ACSS3: variants seen among roughly 807,000 people sequenced by gnomAD.
The protein encoded by ACSS3 is acyl-CoA synthetase short-chain family member 3, mitochondrial.
In ACSS3, 64 loss-of-function variants were observed where a neutral mutation model predicts 84.2. That is an observed-to-expected ratio of 0.76 (90% CI 0.62 to 0.94). The LOEUF (loss-of-function observed/expected upper bound fraction) is 0.94, where lower values mean the gene tolerates loss of function less well. Among genes scored for constraint, ACSS3 ranks in the 40% least tolerant of loss-of-function variants. The pLI is 0.00. For synonymous variants in ACSS3, 317 were observed against 310.1 expected (o/e 1.02, Z -0.23); for missense variants, 815 against 867.6 (o/e 0.94, Z 0.76).
At chr12:81,201,102 T>C (rs1286128387) in intron 9 of ACSS3, among the ~76,000 whole-genome samples, 1 of 152,132 alleles carries the variant, frequency 6.6e-6, no homozygotes, top group East Asian at 1.9e-4. Flanking sequence ...AAATACAAAG[T>C]ATAAGAAGGA....
intron 11 of ACSS3, among the ~76,000 whole-genome samples, chr12:81,222,270 A>AGTGAAACTAGATATTTGAATATATT (rs1340584368): frequency 1.6e-4 from 24 of 152,124 alleles, no homozygotes; most frequent in African/African-American, 5.3e-4. Flanking sequence ...TTAGGTTAAC[A>AGTGAAACTAGATATTTGAATATATT]GTGAAACTAG....
intron 2 of ACSS3, among the ~76,000 whole-genome samples, chr12:81,131,413 A>G (rs1487275582): frequency 6.6e-6 from 1 of 152,032 alleles, no homozygotes; most frequent in East Asian, 1.9e-4. Flanking sequence ...TTCGCTCATG[A>G]TTTGGCTCTC....
intron 3 of ACSS3, among the ~76,000 whole-genome samples, chr12:81,136,627 GA>G (rs2121561909): frequency 6.6e-6 from 1 of 152,232 alleles, no homozygotes; most frequent in African/African-American, 2.4e-5. Context: ...TCAAGCAGTA[GA>G]GACAGGAAAT....
At chr12:81,093,948 A>AT (rs1027813331) in intron 1 of ACSS3, among the ~76,000 whole-genome samples, 3 of 151,418 alleles carry the variant, frequency 2.0e-5, no homozygotes, top group East Asian at 1.9e-4. Context: ...TTGGTAGCTC[A>AT]TTTTTTTTCA....
chr12:81,112,604 C>G (rs948841417), intron 2 of ACSS3, among the ~76,000 whole-genome samples: 1 of 152,158 alleles, frequency 6.6e-6, no homozygotes, highest in Non-Finnish European at 1.5e-5. Flanking sequence ...CTTTTCTTCT[C>G]TAAAGTACTA....
intron 1 of ACSS3, among the ~76,000 whole-genome samples, chr12:81,086,679 G>T (rs1881336344): frequency 6.6e-6 from 1 of 151,756 alleles, no homozygotes; most frequent in African/African-American, 2.4e-5. Context: ...TTAGTTGAAA[G>T]GACAAAAAAA....
intron 5 of ACSS3, among the ~76,000 whole-genome samples, chr12:81,148,205 A>C (rs886999816): frequency 3.3e-5 from 5 of 152,088 alleles, no homozygotes; most frequent in Non-Finnish European, 5.9e-5. Flanking sequence ...CCAAATTCTT[A>C]ATCTTACCAC....
rs1885967877 is a variant in ACSS3 at position 81,139,362 on chromosome 12, T to G, written c.780+97T>G. On this transcript the variant is annotated intron_variant, in intron 4 of 15. Coordinates refer to ENST00000548058, the MANE Select transcript of ACSS3 (RefSeq NM_024560.4). ...AAAGAGACATTTGATTTATAAGCTA[T>G]TAAGTATACTGCTGAATGTTATTGT... The G allele has an allele frequency of 2.3e-6, 3 of 1,310,466 alleles. No individual in the cohort carries two copies. In the South Asian group the frequency reaches 3.9e-5, roughly 17 times the overall value. The allele number at this position is 1,310,466 out of a possible 1,614,324, so 81.2% of individuals were successfully genotyped here. A position where few individuals can be genotyped will look rare whatever the true frequency, so the allele number is the denominator to read the frequency against.
intron 4 of ACSS3, among the ~76,000 whole-genome samples, chr12:81,139,893 C>T (rs1041021669): frequency 6.6e-6 from 1 of 151,884 alleles, no homozygotes; most frequent in Non-Finnish European, 1.5e-5. Context: ...CCTGGGCCCC[C>T]CAAAGTGCTG....
chr12:81,090,138 A>G (rs1881579828), intron 1 of ACSS3, among the ~76,000 whole-genome samples: 1 of 149,310 alleles, frequency 6.7e-6, no homozygotes, highest in South Asian at 2.1e-4. Flanking sequence ...CTCTCCTCTT[A>G]TCTTAGAGAA....
intron 5 of ACSS3, among the ~76,000 whole-genome samples, chr12:81,147,607 T>C (rs951378553): frequency 6.6e-6 from 1 of 152,164 alleles, no homozygotes; most frequent in African/African-American, 2.4e-5. Context: ...TTTTGCAATG[T>C]CTTGAAGTAC....
intron 1 of ACSS3, among the ~76,000 whole-genome samples, chr12:81,087,946 A>G (rs576346269): frequency 5.9e-5 from 9 of 152,248 alleles, no homozygotes; most frequent in East Asian, 3.9e-4. Flanking sequence ...CCAAATAATT[A>G]TAATACGGAA....
At position 81,134,499 on chromosome 12, in the gene ACSS3, A is replaced by C. The variant is rs181990779; in HGVS notation, c.457-317A>C. Among the ~76,000 whole-genome samples the C allele has an allele frequency of 1.5e-3, 234 of 152,270 alleles. 1 individual carries two copies. Among genetic ancestry groups the C allele is most frequent in the Non-Finnish European group, 1.8e-3 (120 of 68,026 alleles). On this transcript the variant is annotated intron_variant, in intron 2 of 15. Transcript: ENST00000548058. ...TGTGTCTTTCTTTTATCAGTGTTACATTCCCAACTCTTACATACTATGTCT... is the reference window on the plus strand; with the variant it reads ...TGTGTCTTTCTTTTATCAGTGTTACCTTCCCAACTCTTACATACTATGTCT...
At chr12:81,174,609 C>T (rs2030334021) in intron 7 of ACSS3, 179 bp from the exon 8 acceptor site, 1 of 569,202 alleles carries the variant, frequency 1.8e-6, no homozygotes, top group African/African-American at 1.9e-5. Context: ...CAAACAGTCT[C>T]TGTTATGCCT....
chr12:81,209,463 T>C (rs1194576309), intron 9 of ACSS3, among the ~76,000 whole-genome samples: 1 of 151,876 alleles, frequency 6.6e-6, no homozygotes, highest in Non-Finnish European at 1.5e-5. Flanking sequence ...TTGTGGATCA[T>C]AGGCAGAAAT....
intron 8 of ACSS3, among the ~76,000 whole-genome samples, chr12:81,178,166 G>A (rs1285511689): frequency 6.6e-6 from 1 of 151,284 alleles, no homozygotes; most frequent in South Asian, 2.1e-4. Context: ...CCTTTGTAGG[G>A]ACATGGATGA....
chr12:81,126,762 C>T (rs1189818623), intron 2 of ACSS3, among the ~76,000 whole-genome samples: 1 of 152,030 alleles, frequency 6.6e-6, no homozygotes, highest in East Asian at 1.9e-4. Flanking sequence ...ATCTATTTCA[C>T]TTTGCTTGTG....
chr12:81,208,171 C>G (rs749748558), intron 9 of ACSS3, among the ~76,000 whole-genome samples: 3 of 152,130 alleles, frequency 2.0e-5, no homozygotes, highest in Non-Finnish European at 4.4e-5. Context: ...CTATGCCCAT[C>G]GTGATGCTGT....
chr12:81,227,705 A>G (rs2033317108), intron 11 of ACSS3, among the ~76,000 whole-genome samples: 2 of 151,792 alleles, frequency 1.3e-5, no homozygotes, highest in Admixed American at 1.3e-4. Context: ...TCTGCATGTC[A>G]AATTCTTTGA....
Sources: gnomAD v4.1 joint callset for allele counts (sites outside exome capture counted in the v4.1 genomes callset) on GRCh38, gnomAD v4.1.1 for gene constraint, MANE v1.5 for transcripts, NCBI Gene and HGNC (gene_info 2026-07-23, HGNC 2026-07-21) for gene names.